Variants in SPATA31G1 observed in about 807,000 individuals in gnomAD.
The protein encoded by SPATA31G1 is SPATA31 subfamily G member 1, also known as spermatogenesis-associated protein 31G1.
the SPATA31G1 span, chr9:35,043,371 T>A: frequency 2.5e-6 from 4 of 1,614,006 alleles, no homozygotes; most frequent in East Asian, 6.7e-5. Flanking sequence ...CCAGTATCAC[T>A]CCTCAGCCCA....
chr9:35,044,652 G>C, the SPATA31G1 span: 1 of 1,614,108 alleles, frequency 6.2e-7, no homozygotes, highest in Non-Finnish European at 8.5e-7. Flanking sequence ...GGAGGCAGTG[G>C]AGCAAAGAAA....
chr9:35,042,856 C>G, the SPATA31G1 span: 51 of 1,609,442 alleles, frequency 3.2e-5, no homozygotes, highest in Non-Finnish European at 4.2e-5. Context: ...TTATCTACTT[C>G]CCAGGAACTA....
the SPATA31G1 span, chr9:35,044,133 G>C: frequency 1.2e-6 from 2 of 1,614,004 alleles, no homozygotes; most frequent in African/African-American, 1.3e-5. Flanking sequence ...GGAGACCATG[G>C]GGCAGAAAGA....
chr9:35,043,525 T>C, the SPATA31G1 span: 4 of 1,614,210 alleles, frequency 2.5e-6, no homozygotes, highest in Non-Finnish European at 2.5e-6. Context: ...AAGGGAGTTT[T>C]ATCTGGCGCT....
chr9:35,043,394 T>C, the SPATA31G1 span: 3 of 1,614,188 alleles, frequency 1.9e-6, no homozygotes, highest in Non-Finnish European at 1.7e-6. Context: ...TTTCTACCCA[T>C]GGGGCCCATA....
chr9:35,043,065 C>A, the SPATA31G1 span: 6 of 1,614,138 alleles, frequency 3.7e-6, 1 homozygote, highest in African/African-American at 1.3e-5. Context: ...TTCTGAGGGC[C>A]TCCTCAAGGC....
chr9:35,044,712 CTA>C, the SPATA31G1 span: 5 of 1,614,174 alleles, frequency 3.1e-6, no homozygotes, highest in Non-Finnish European at 4.2e-6. Flanking sequence ...CTCTACTCCT[CTA>C]CCAGAGCCAC....
the SPATA31G1 span, chr9:35,045,898 T>A: frequency 6.4e-7 from 1 of 1,559,516 alleles, no homozygotes; most frequent in Non-Finnish European, 8.6e-7. Context: ...TAGCACTTGG[T>A]ATGCCAAGAC....
At chr9:35,044,054 C>T in the SPATA31G1 span, 2 of 1,613,888 alleles carry the variant, frequency 1.2e-6, no homozygotes, top group African/African-American at 2.7e-5. Context: ...CCAGCCTTCC[C>T]TCAGTCCCTC....
the SPATA31G1 span, chr9:35,044,423 G>A: frequency 5.6e-6 from 9 of 1,613,900 alleles, no homozygotes; most frequent in African/African-American, 1.2e-4. Context: ...AAAACTCCTG[G>A]GCCTCTAAGC....
At chr9:35,045,819 G>A in the SPATA31G1 span, 1 of 1,613,726 alleles carries the variant, frequency 6.2e-7, no homozygotes, top group Non-Finnish European at 8.5e-7. Flanking sequence ...AAAGGTGTTA[G>A]CCAAATGCCT....
At chr9:35,045,561 A>G in the SPATA31G1 span, 1 of 1,614,224 alleles carries the variant, frequency 6.2e-7, no homozygotes, top group East Asian at 2.2e-5. Flanking sequence ...TGCCCAGGCC[A>G]GAAGCCTAGT....
the SPATA31G1 span, chr9:35,044,825 T>G: frequency 3.1e-6 from 5 of 1,613,940 alleles, no homozygotes; most frequent in African/African-American, 1.3e-5. Flanking sequence ...TACCCCAGCC[T>G]CCCACCCTAG....
chr9:35,043,244 G>A, the SPATA31G1 span: 1 of 1,614,206 alleles, frequency 6.2e-7, no homozygotes, highest in South Asian at 1.1e-5. Flanking sequence ...TGCACAGCGA[G>A]TCCTTGGAGG....
At chr9:35,045,877 G>C in the SPATA31G1 span, 8 of 1,585,906 alleles carry the variant, frequency 5.0e-6, no homozygotes, top group Non-Finnish European at 6.9e-6. Flanking sequence ...TAGAGAAAAG[G>C]CTGGTAATAC....
chr9:35,044,418 T>C, the SPATA31G1 span: 2 of 1,613,970 alleles, frequency 1.2e-6, no homozygotes, highest in Admixed American at 1.7e-5. Flanking sequence ...GACAAAAAAC[T>C]CCTGGGCCTC....
the SPATA31G1 span, chr9:35,044,674 C>T: frequency 1.9e-6 from 3 of 1,614,056 alleles, no homozygotes; most frequent in African/African-American, 1.3e-5. Context: ...AACCACTGGG[C>T]CACTGAGCTC....
chr9:35,044,827 C>G, the SPATA31G1 span: 2 of 1,614,150 alleles, frequency 1.2e-6, no homozygotes, highest in South Asian at 2.2e-5. Context: ...CCCCAGCCTC[C>G]CACCCTAGCT....
the SPATA31G1 span, chr9:35,044,343 C>T: frequency 1.9e-6 from 3 of 1,614,116 alleles, no homozygotes; most frequent in South Asian, 3.3e-5. Flanking sequence ...TGCACCGGAG[C>T]TGCTCAGAGT....
Sources: gnomAD v4.1 joint callset for allele counts on GRCh38, gnomAD v4.1.1 for gene constraint, MANE v1.5 for transcripts, NCBI Gene and HGNC (gene_info 2026-07-23, HGNC 2026-07-21) for gene names.